Variants in ANTXR1 observed in about 807,000 individuals in gnomAD.
ANTXR1 encodes the protein anthrax toxin receptor 1.
In ANTXR1, 19 loss-of-function variants were observed where a neutral mutation model predicts 78.1. That is an observed-to-expected ratio of 0.24 (90% CI 0.17 to 0.36). The LOEUF is 0.36. ANTXR1 is among the 10% of genes least tolerant of loss of function. The probability of loss-of-function intolerance (pLI) is 1.00; values close to 1 mark genes in which losing one functional copy is unlikely to be tolerated. For missense variants in ANTXR1, 518 were observed against 718.6 expected, an observed-to-expected ratio of 0.72 and a Z score of 3.19; for synonymous variants, 273 against 260.5, an observed-to-expected ratio of 1.05 and a Z score of -0.46.
intron 17 of ANTXR1, among the ~76,000 whole-genome samples, chr2:69,207,440 G>A (rs1674933414): frequency 6.6e-6 from 1 of 152,186 alleles, no homozygotes; most frequent in African/African-American, 2.4e-5. Flanking sequence ...TTGACTTTTT[G>A]TGAGTAATCT....
chr2:69,249,044 G>A lies in ANTXR1; in HGVS notation c.*3559G>A, dbSNP rs1156486352. The A allele has an allele frequency of 6.6e-6, 1 of 152,142 alleles. No individual in the cohort carries two copies. Among genetic ancestry groups the A allele is most frequent in the East Asian group, 1.9e-4 (1 of 5,202 alleles). 9.4% of individuals were successfully genotyped at this position (152,142 alleles called of 1,614,324 possible). A position where few individuals can be genotyped will look rare whatever the true frequency, so the allele number is the denominator to read the frequency against. On this transcript the variant is annotated 3_prime_UTR_variant, in exon 18 of 18. Transcript: ENST00000303714. ...CAGAAGATAGTTATGGATCTTCAATGCCTCTGAGTCATTGTTATAAAAAAT... is the reference window on the plus strand; with the variant it reads ...CAGAAGATAGTTATGGATCTTCAATACCTCTGAGTCATTGTTATAAAAAAT...
intron 3 of ANTXR1, among the ~76,000 whole-genome samples, chr2:69,068,532 G>A (rs1302858222): frequency 6.6e-6 from 1 of 152,162 alleles, no homozygotes; most frequent in Admixed American, 6.5e-5. Flanking sequence ...TTGGAGAAAG[G>A]GGCTTGGGAA....
intron 1 of ANTXR1, 112 bp from the exon 2 acceptor site, chr2:69,039,932 A>G (rs1336233105): frequency 2.4e-5 from 20 of 825,208 alleles, no homozygotes. Context: ...TCAAGTAATG[A>G]GTCCAGTTAT....
intron 2 of ANTXR1, among the ~76,000 whole-genome samples, chr2:69,042,004 C>T (rs1669628888): frequency 1.3e-5 from 2 of 152,154 alleles, no homozygotes; most frequent in African/African-American, 4.8e-5. Context: ...CAGTGCCAGA[C>T]ACATAGTACA....
At chr2:69,023,225 T>C (rs1671245042) in intron 1 of ANTXR1, among the ~76,000 whole-genome samples, 1 of 152,216 alleles carries the variant, frequency 6.6e-6, no homozygotes, top group Non-Finnish European at 1.5e-5. Context: ...AACCTTTAAT[T>C]AACCATTTGG....
At chr2:69,182,697 T>C in intron 16 of ANTXR1, 37 bp downstream of exon 16, 1 of 1,613,300 alleles carries the variant, frequency 6.2e-7, no homozygotes, top group Non-Finnish European at 8.5e-7. Context: ...TCATCAGTCC[T>C]GATAAAACAC....
intron 17 of ANTXR1, among the ~76,000 whole-genome samples, chr2:69,228,135 G>T (rs1222915806): frequency 6.6e-6 from 1 of 152,198 alleles, no homozygotes; most frequent in Non-Finnish European, 1.5e-5. Context: ...CTGATTAGAG[G>T]TTTGTCCCTT....
intron 17 of ANTXR1, among the ~76,000 whole-genome samples, chr2:69,210,999 G>A (rs1355112684): frequency 6.6e-6 from 1 of 151,954 alleles, no homozygotes; most frequent in Non-Finnish European, 1.5e-5. Context: ...TTTGCCACTG[G>A]CAGTAAGATA....
intron 3 of ANTXR1, among the ~76,000 whole-genome samples, chr2:69,050,882 C>T (rs1009269468): frequency 6.6e-6 from 1 of 152,074 alleles, no homozygotes; most frequent in African/African-American, 2.4e-5. Flanking sequence ...ATGTATTCAT[C>T]AGTTCTGTTT....
intron 3 of ANTXR1, among the ~76,000 whole-genome samples, chr2:69,049,563 G>A (rs1213601940): frequency 1.3e-5 from 2 of 152,120 alleles, no homozygotes; most frequent in African/African-American, 4.8e-5. Context: ...ACCCACCTCG[G>A]CCTTCCAAAG....
chr2:69,180,225 C>A (rs1410529024), intron 14 of ANTXR1, among the ~76,000 whole-genome samples: 1 of 152,228 alleles, frequency 6.6e-6, no homozygotes, highest in Non-Finnish European at 1.5e-5. Flanking sequence ...GTGCCCCATC[C>A]CACGCAGTGG....
chr2:69,119,142 C>T (rs1434610843), intron 10 of ANTXR1, among the ~76,000 whole-genome samples: 1 of 152,192 alleles, frequency 6.6e-6, no homozygotes, highest in East Asian at 1.9e-4. Context: ...CATCCTCTCA[C>T]TCCTTTCCAG....
At chr2:69,055,337 A>G (rs1670036712) in intron 3 of ANTXR1, among the ~76,000 whole-genome samples, 1 of 152,116 alleles carries the variant, frequency 6.6e-6, no homozygotes, top group African/African-American at 2.4e-5. Context: ...GATGAAAATT[A>G]TTGTTTCTTT....
At chr2:69,090,064 A>G (rs913475420) in intron 8 of ANTXR1, among the ~76,000 whole-genome samples, 1 of 152,128 alleles carries the variant, frequency 6.6e-6, no homozygotes, top group South Asian at 2.1e-4. Flanking sequence ...TCATTTGTGG[A>G]CAAGTGTACA....
chr2:69,044,645 C>G, intron 2 of ANTXR1, 97 bp from the exon 3 acceptor site: 1 of 1,339,474 alleles, frequency 7.5e-7, no homozygotes, highest in Non-Finnish European at 1.1e-6. Flanking sequence ...TCAGTTCTGG[C>G]AGCCGTGATA....
At chr2:69,212,237 T>A (rs139926128) in intron 17 of ANTXR1, among the ~76,000 whole-genome samples, 46 of 146,622 alleles carry the variant, frequency 3.1e-4, no homozygotes, top group Non-Finnish European at 5.6e-4. Context: ...ATGGGAGGAG[T>A]AGAGAAAGAG....
intron 8 of ANTXR1, 108 bp from the exon 9 acceptor site, chr2:69,090,751 T>C: frequency 9.0e-7 from 1 of 1,109,984 alleles, no homozygotes; most frequent in East Asian, 2.4e-5. Context: ...CGCAACCAAA[T>C]GTCCTTGAAC....
chr2:69,135,058 C>T (rs747742207), intron 12 of ANTXR1: 5 of 407,472 alleles, frequency 1.2e-5, no homozygotes, highest in Admixed American at 4.8e-5. Flanking sequence ...TATCAGAGTG[C>T]GGAACTCAGA....
chr2:69,230,708 C>G (rs1483352334), intron 17 of ANTXR1, among the ~76,000 whole-genome samples: 1 of 152,180 alleles, frequency 6.6e-6, no homozygotes, highest in Non-Finnish European at 1.5e-5. Context: ...AGTAAGCATG[C>G]ACAAGTGTGT....
Sources: allele counts gnomAD v4.1 joint callset (sites outside exome capture counted in the v4.1 genomes callset), GRCh38; gene constraint gnomAD v4.1.1; transcripts MANE v1.5; gene names NCBI Gene and HGNC (gene_info 2026-07-23, HGNC 2026-07-21).